NF1: variants seen among roughly 807,000 people sequenced by gnomAD.
The protein encoded by NF1 is neurofibromin.
NF1 carries 122 observed loss-of-function variants against 325.7 expected under a neutral mutation model. That is an observed-to-expected ratio of 0.37 (90% CI 0.32 to 0.44). The LOEUF (loss-of-function observed/expected upper bound fraction) is 0.44, where lower values mean the gene tolerates loss of function less well. Ranked by LOEUF, NF1 falls within the 20% of genes least tolerant of loss-of-function variation. The probability of loss-of-function intolerance (pLI) is 1.00; values close to 1 mark genes in which losing one functional copy is unlikely to be tolerated. For missense variants in NF1, 2,140 were observed against 3,415.4 expected (o/e 0.63, Z 9.31); for synonymous variants, 1,091 against 1,186.0 (o/e 0.92, Z 1.65).
chr17:31,261,417 A>G (rs2067683973), intron 34 of NF1, among the ~76,000 whole-genome samples: 1 of 152,232 alleles, frequency 6.6e-6, no homozygotes, highest in Admixed American at 6.5e-5. Flanking sequence ...ACAAAGGAAG[A>G]ATGAGTCCAA....
chr17:31,162,544 G>C (rs1426633804), intron 3 of NF1, among the ~76,000 whole-genome samples: 1 of 152,174 alleles, frequency 6.6e-6, no homozygotes, highest in Non-Finnish European at 1.5e-5. Flanking sequence ...GGGCAGTGGT[G>C]AAATTTGAAT....
rs188965632 is a variant in NF1, at chr17:31,222,031, A to G, written c.1721+102A>G. On this transcript the variant is annotated intron_variant, in intron 15 of 57. Transcript: ENST00000358273. ...GTACTTAGTACATTGTAAAACTTACACTTCCAAAGGTTTTATGGTTTTGTA... is the reference window on the plus strand; with the variant it reads ...GTACTTAGTACATTGTAAAACTTACGCTTCCAAAGGTTTTATGGTTTTGTA... 3.8e-6 allele frequency: 5 copies of G among 1,323,342 alleles called. No homozygotes were observed. The Admixed American group carries it at 1.4e-4, about 36-fold the overall frequency. 82.0% of individuals were successfully genotyped at this position (1,323,342 alleles called of 1,614,324 possible). A position where few individuals can be genotyped will look rare whatever the true frequency, so the allele number is the denominator to read the frequency against.
At chr17:31,108,916 AG>A (rs1913145003) in intron 1 of NF1, among the ~76,000 whole-genome samples, 1 of 152,192 alleles carries the variant, frequency 6.6e-6, no homozygotes, top group Non-Finnish European at 1.5e-5. Flanking sequence ...ACTTTTTCAC[AG>A]GGATCTATGA....
At chr17:31,315,339 T>C (rs2068992627) in intron 36 of NF1, among the ~76,000 whole-genome samples, 1 of 152,126 alleles carries the variant, frequency 6.6e-6, no homozygotes, top group Non-Finnish European at 1.5e-5. Flanking sequence ...TAAGACCTAT[T>C]TGATAGCACA....
chr17:31,159,890 A>G (rs968053663), intron 3 of NF1, among the ~76,000 whole-genome samples: 3 of 152,222 alleles, frequency 2.0e-5, no homozygotes, highest in Admixed American at 2.0e-4. Context: ...TTGATTCAGA[A>G]TTGCTTCCCT....
intron 36 of NF1, among the ~76,000 whole-genome samples, chr17:31,316,966 A>T (rs2069036388): frequency 6.6e-6 from 1 of 152,142 alleles, no homozygotes; most frequent in Non-Finnish European, 1.5e-5. Flanking sequence ...AGTTCACCCC[A>T]TTCCAGTTGC....
chr17:31,373,414 C>T (rs1017589707), intron 57 of NF1, among the ~76,000 whole-genome samples: 4 of 152,218 alleles, frequency 2.6e-5, no homozygotes, highest in African/African-American at 9.6e-5. Flanking sequence ...GCTAGCCTTT[C>T]ATTTAGTTCA....
rs1911506077 is a variant in NF1, at chr17:31,095,007, G to C, written c.-303G>C. On this transcript the variant is annotated 5_prime_UTR_variant, in exon 1 of 58. Coordinates refer to ENST00000358273, the MANE Select transcript of NF1 (RefSeq NM_001042492.3). ...CGGTGGGGTGTCATGGCGGCGTCTC[G>C]GACTGTGATGGCTGTGGGGAGACGG... 1.8e-6 allele frequency: 1 copy of C among 557,000 alleles called. No individual in the cohort carries two copies. The highest frequency in any genetic ancestry group is 3.2e-6 in the Non-Finnish European group (1 of 313,154). The allele number at this position is 557,000 out of a possible 1,614,324, so 34.5% of individuals were successfully genotyped here.
chr17:31,103,904 G>A (rs1225062490), intron 1 of NF1, among the ~76,000 whole-genome samples: 1 of 152,062 alleles, frequency 6.6e-6, no homozygotes, highest in African/African-American at 2.4e-5. Flanking sequence ...AAGTGTGGTA[G>A]TATATGCTAC....
chr17:31,347,506 T>TG lies in NF1; in HGVS notation c.7190-1613dup, dbSNP rs2070025464. Among the ~76,000 whole-genome samples the TG allele has an allele frequency of 2.6e-5, 4 of 152,254 alleles. No individual in the cohort carries two copies. In the South Asian group the frequency reaches 8.3e-4, roughly 32 times the overall value. On this transcript the variant is annotated intron_variant, in intron 48 of 57. Transcript: ENST00000358273. ...TCGATAAACCATTTGTTAAAAGATT[T>TG]GCCTGGTTTCCAGACTTGGTGGCCA...
intron 29 of NF1, among the ~76,000 whole-genome samples, chr17:31,246,199 A>G (rs17881229): frequency 6.6e-6 from 1 of 152,262 alleles, no homozygotes; most frequent in African/African-American, 2.4e-5. Flanking sequence ...AAGATGGCAG[A>G]TAGTAGATGT....
At chr17:31,319,769 A>C (rs1341193138) in intron 36 of NF1, among the ~76,000 whole-genome samples, 4 of 150,300 alleles carry the variant, frequency 2.7e-5, no homozygotes, top group Admixed American at 1.3e-4. Context: ...AAAAAAAAAA[A>C]ACAGCAAATT....
chr17:31,262,925 A>G (rs565668891), intron 35 of NF1, among the ~76,000 whole-genome samples: 44 of 152,286 alleles, frequency 2.9e-4, no homozygotes, highest in African/African-American at 1.0e-3. Flanking sequence ...GCTAATACCT[A>G]TAACCCCAAC....
rs2066531735 is a variant in NF1 at position 31,201,566 on chromosome 17, C to T, written c.1260+81C>T. 3 of 1,027,770 alleles carry T rather than the reference C, an allele frequency of 2.9e-6. No homozygotes were observed. In the South Asian group the frequency reaches 4.1e-5, roughly 14 times the overall value. 63.7% of individuals were successfully genotyped at this position (1,027,770 alleles called of 1,614,324 possible). On this transcript the variant is annotated intron_variant, in intron 11 of 57. Transcript: ENST00000358273. Reference sequence around the variant, plus strand: ...TGCGTATTTCTTTTTAAGAAATGCACTCTTGGTTTTCAAAAAGGTTCTGAA... The same window carrying T: ...TGCGTATTTCTTTTTAAGAAATGCATTCTTGGTTTTCAAAAAGGTTCTGAA...
intron 36 of NF1, chr17:31,317,904 G>A (rs2069067614): frequency 5.8e-6 from 1 of 171,986 alleles, no homozygotes; most frequent in Non-Finnish European, 1.2e-5. Context: ...TCCATTTGAT[G>A]TTAAAGCATA....
At chr17:31,220,969 A>C (rs1446672952) in intron 14 of NF1, among the ~76,000 whole-genome samples, 1 of 152,150 alleles carries the variant, frequency 6.6e-6, no homozygotes, top group Admixed American at 6.5e-5. Flanking sequence ...TTTTCATTAA[A>C]TATCTCAAAG....
intron 57 of NF1, chr17:31,367,296 C>A (rs1481605561): frequency 6.9e-6 from 9 of 1,301,210 alleles, no homozygotes; most frequent in East Asian, 5.2e-5. Context: ...TTATTTTCAT[C>A]ATCTTTGCAC....
intron 36 of NF1, among the ~76,000 whole-genome samples, chr17:31,280,930 A>G (rs920006223): frequency 1.3e-5 from 2 of 151,998 alleles, no homozygotes; most frequent in African/African-American, 4.8e-5. Context: ...TATACTGTGA[A>G]TGGAAAATCA....
At chr17:31,309,971 C>T (rs528107897) in intron 36 of NF1, among the ~76,000 whole-genome samples, 1 of 152,180 alleles carries the variant, frequency 6.6e-6, no homozygotes, top group African/African-American at 2.4e-5. Context: ...TATTAGAATT[C>T]TATGATGGCA....
Sources: allele counts gnomAD v4.1 joint callset (sites outside exome capture counted in the v4.1 genomes callset), GRCh38; gene constraint gnomAD v4.1.1; transcripts MANE v1.5; gene names NCBI Gene and HGNC (gene_info 2026-07-23, HGNC 2026-07-21).